LUZP2: variants seen among roughly 807,000 people sequenced by gnomAD.
LUZP2 encodes the protein leucine zipper protein 2.
A neutral mutation model predicts 51.6 loss-of-function variants in LUZP2; 52 were observed. The observed-to-expected ratio is 1.01, with a 90% CI of 0.81 to 1.27. The LOEUF is 1.27. LUZP2 is among the 50% of genes most tolerant of loss of function. LUZP2 has a pLI of 0.00. For missense variants in LUZP2, 436 were observed against 395.4 expected (o/e 1.10, Z -0.87); for synonymous variants, 154 against 137.3 (o/e 1.12, Z -0.85).
At chr11:24,845,705 T>A (rs1851177385) in intron 5 of LUZP2, among the ~76,000 whole-genome samples, 1 of 152,094 alleles carries the variant, frequency 6.6e-6, no homozygotes, top group African/African-American at 2.4e-5. Flanking sequence ...TTGCATGAAA[T>A]CTGATGGTTT....
At chr11:24,693,844 A>G (rs1358811016) in intron 1 of LUZP2, among the ~76,000 whole-genome samples, 1 of 152,052 alleles carries the variant, frequency 6.6e-6, no homozygotes. Context: ...AGATATAACA[A>G]TGACCAATAA....
intron 5 of LUZP2, among the ~76,000 whole-genome samples, chr11:24,844,274 T>C (rs187023823): frequency 5.7e-4 from 87 of 152,290 alleles, no homozygotes; most frequent in African/African-American, 1.9e-3. Context: ...CAAAGGTAGC[T>C]CTTGTTATGT....
intron 1 of LUZP2, among the ~76,000 whole-genome samples, chr11:24,671,801 C>G (rs1856409396): frequency 6.6e-6 from 1 of 152,044 alleles, no homozygotes; most frequent in Non-Finnish European, 1.5e-5. Context: ...TATGGCCTTA[C>G]TAATGACTAT....
intron 8 of LUZP2, among the ~76,000 whole-genome samples, chr11:24,976,932 T>C (rs891642670): frequency 5.3e-5 from 8 of 151,744 alleles, no homozygotes; most frequent in African/African-American, 1.9e-4. Flanking sequence ...GGTATATTTA[T>C]TCCATAATAC....
At chr11:24,964,005 A>G (rs1855506449) in intron 7 of LUZP2, among the ~76,000 whole-genome samples, 1 of 152,282 alleles carries the variant, frequency 6.6e-6, no homozygotes, top group East Asian at 1.9e-4. Flanking sequence ...CTGATTTCAA[A>G]TCTTTTGGAT....
chr11:24,722,867 A>T (rs1043949128), intron 1 of LUZP2, among the ~76,000 whole-genome samples: 2 of 151,978 alleles, frequency 1.3e-5, no homozygotes, highest in African/African-American at 4.8e-5. Flanking sequence ...CAGTGAGCCG[A>T]TATCATGCCA....
chr11:24,561,524 T>G (rs934600321), intron 1 of LUZP2, among the ~76,000 whole-genome samples: 1 of 152,074 alleles, frequency 6.6e-6, no homozygotes, highest in African/African-American at 2.4e-5. Flanking sequence ...GGAACATGGA[T>G]AAAGCTGGAA....
intron 9 of LUZP2, among the ~76,000 whole-genome samples, chr11:25,040,825 A>G (rs1165156212): frequency 6.6e-6 from 1 of 152,168 alleles, no homozygotes; most frequent in Non-Finnish European, 1.5e-5. Flanking sequence ...AAACAAAATG[A>G]CTATTCCAAT....
intron 1 of LUZP2, among the ~76,000 whole-genome samples, chr11:24,593,883 T>C (rs1024981796): frequency 6.6e-6 from 1 of 152,058 alleles, no homozygotes; most frequent in Non-Finnish European, 1.5e-5. Flanking sequence ...AGGAGAGTAA[T>C]TGGAATGAGA....
intron 1 of LUZP2, among the ~76,000 whole-genome samples, chr11:24,556,510 T>C (rs969630378): frequency 1.3e-5 from 2 of 152,070 alleles, no homozygotes; most frequent in Admixed American, 1.3e-4. Flanking sequence ...TACTTAATGA[T>C]GAAAAGAAAG....
intron 4 of LUZP2, among the ~76,000 whole-genome samples, chr11:24,743,538 T>C (rs1859265351): frequency 6.6e-6 from 1 of 152,152 alleles, no homozygotes; most frequent in Non-Finnish European, 1.5e-5. Context: ...TACAGTAATC[T>C]TCTATCCAGA....
At chr11:24,755,599 C>G (rs750146706) in intron 4 of LUZP2, among the ~76,000 whole-genome samples, 3 of 152,170 alleles carry the variant, frequency 2.0e-5, no homozygotes, top group Non-Finnish European at 4.4e-5. Flanking sequence ...TGAATGGACT[C>G]CCCTCTCAGC....
chr11:24,913,917 G>A (rs1853714570), intron 6 of LUZP2, among the ~76,000 whole-genome samples: 1 of 152,044 alleles, frequency 6.6e-6, no homozygotes, highest in African/African-American at 2.4e-5. Context: ...AAACTGCTGA[G>A]AAAGATTTTC....
intron 4 of LUZP2, among the ~76,000 whole-genome samples, chr11:24,753,476 G>A (rs988388985): frequency 3.3e-5 from 5 of 152,190 alleles, no homozygotes; most frequent in Non-Finnish European, 7.4e-5. Context: ...AAACAGAAAG[G>A]CAGGGAAAGA....
At chr11:24,660,690 T>C (rs977130063) in intron 1 of LUZP2, among the ~76,000 whole-genome samples, 1 of 152,160 alleles carries the variant, frequency 6.6e-6, no homozygotes, top group East Asian at 1.9e-4. Context: ...TTCACCGTAA[T>C]CCTCAGTTAC....
intron 3 of LUZP2, among the ~76,000 whole-genome samples, chr11:24,736,971 ACTTT>A (rs1416255136): frequency 6.6e-6 from 1 of 152,050 alleles, no homozygotes; most frequent in East Asian, 1.9e-4. Context: ...AAACAGACAG[ACTTT>A]CTTTCTCATT....
intron 9 of LUZP2, among the ~76,000 whole-genome samples, chr11:25,027,262 G>A (rs551865531): frequency 6.6e-6 from 1 of 152,120 alleles, no homozygotes; most frequent in African/African-American, 2.4e-5. Context: ...TCATAATACA[G>A]CTTAGTACAG....
At chr11:24,715,663 G>A (rs1395060388) in intron 1 of LUZP2, among the ~76,000 whole-genome samples, 1 of 152,058 alleles carries the variant, frequency 6.6e-6, no homozygotes, top group African/African-American at 2.4e-5. Context: ...GAAATTTTCT[G>A]TGACTGTTTA....
chr11:24,718,237 T>C (rs1858130694), intron 1 of LUZP2, among the ~76,000 whole-genome samples: 1 of 152,028 alleles, frequency 6.6e-6, no homozygotes, highest in Non-Finnish European at 1.5e-5. Context: ...AATCTCAGAG[T>C]GGTTGTTAAG....
Sources: gnomAD v4.1 joint callset for allele counts (sites outside exome capture counted in the v4.1 genomes callset) on GRCh38, gnomAD v4.1.1 for gene constraint, MANE v1.5 for transcripts, NCBI Gene and HGNC (gene_info 2026-07-23, HGNC 2026-07-21) for gene names.